SAMMSON: variants seen among roughly 807,000 people sequenced by gnomAD.
The protein encoded by SAMMSON is survival associated mitochondrial melanoma specific oncogenic non-coding RNA.
chr3:70,261,199 T>G (rs1701862878), intron 6 of SAMMSON, among the ~76,000 whole-genome samples: 2 of 152,218 alleles, frequency 1.3e-5, no homozygotes, highest in South Asian at 4.1e-4. Flanking sequence ...CAAAGACATT[T>G]GGTGGTCAAA....
chr3:70,429,724 T>C (rs555860908), intron 2 of SAMMSON, among the ~76,000 whole-genome samples: 1 of 152,280 alleles, frequency 6.6e-6, no homozygotes, highest in African/African-American at 2.4e-5. Context: ...ATTCTCTTTG[T>C]AGCAATTGTG....
chr3:70,382,332 A>T (rs1703076500), intron 9 of SAMMSON, among the ~76,000 whole-genome samples: 1 of 152,096 alleles, frequency 6.6e-6, no homozygotes, highest in Admixed American at 6.6e-5. Flanking sequence ...AATTCCACCC[A>T]AACATATATC....
At chr3:70,088,429 C>T (rs777242908) in intron 4 of SAMMSON, among the ~76,000 whole-genome samples, 2 of 152,146 alleles carry the variant, frequency 1.3e-5, no homozygotes, top group Non-Finnish European at 1.5e-5. Context: ...GCAGAAATAA[C>T]AGATGTTCAC....
intron 9 of SAMMSON, among the ~76,000 whole-genome samples, chr3:70,362,347 A>C (rs904885736): frequency 2.6e-5 from 4 of 152,178 alleles, no homozygotes; most frequent in African/African-American, 4.8e-5. Context: ...AGTCTTTGGG[A>C]AAACTAGAAG....
chr3:70,041,221 A>G (rs925100693), intron 3 of SAMMSON, among the ~76,000 whole-genome samples: 1 of 152,056 alleles, frequency 6.6e-6, no homozygotes, highest in Non-Finnish European at 1.5e-5. Flanking sequence ...TTCCAAAGAC[A>G]TTTTGTTGTA....
At chr3:70,214,606 G>C in intron 4 of SAMMSON, among the ~76,000 whole-genome samples, 1 of 32,322 alleles carries the variant, frequency 3.1e-5, no homozygotes. Context: ...GCTGAAGTGG[G>C]CTTTTTTTTT....
intron 4 of SAMMSON, among the ~76,000 whole-genome samples, chr3:70,168,045 G>A (rs1002646246): frequency 1.3e-5 from 2 of 151,970 alleles, no homozygotes; most frequent in African/African-American, 4.8e-5. Flanking sequence ...GTAAAGCATT[G>A]TTTCCATGGC....
At chr3:70,208,172 C>T (rs1305962618) in intron 4 of SAMMSON, among the ~76,000 whole-genome samples, 2 of 152,070 alleles carry the variant, frequency 1.3e-5, no homozygotes, top group Non-Finnish European at 2.9e-5. Context: ...GAACAAGCAA[C>T]AGTCCTCGTG....
intron 4 of SAMMSON, among the ~76,000 whole-genome samples, chr3:70,189,004 G>C (rs977188384): frequency 7.2e-5 from 11 of 152,150 alleles, no homozygotes; most frequent in African/African-American, 2.4e-4. Flanking sequence ...TCAGAAGAGA[G>C]GGTGCTTGAG....
intron 9 of SAMMSON, among the ~76,000 whole-genome samples, chr3:70,379,741 T>C (rs1028198644): frequency 6.6e-6 from 1 of 151,960 alleles, no homozygotes; most frequent in Non-Finnish European, 1.5e-5. Context: ...TGAAGACGAG[T>C]CTGGGCAACT....
intron 6 of SAMMSON, among the ~76,000 whole-genome samples, chr3:70,274,463 A>C (rs201139072): frequency 6.6e-6 from 1 of 151,856 alleles, no homozygotes; most frequent in Non-Finnish European, 1.5e-5. Context: ...ATATTTGAAA[A>C]GTATTTTTCT....
chr3:70,408,008 A>C (rs914201378), intron 2 of SAMMSON, among the ~76,000 whole-genome samples: 2 of 152,238 alleles, frequency 1.3e-5, no homozygotes, highest in African/African-American at 4.8e-5. Context: ...TCGCAGGCTC[A>C]CCACCACATG....
At chr3:70,418,568 C>A (rs1237844356) in intron 2 of SAMMSON, among the ~76,000 whole-genome samples, 4 of 152,220 alleles carry the variant, frequency 2.6e-5, no homozygotes, top group South Asian at 2.1e-4. Flanking sequence ...CAGTCTGCCA[C>A]TTTATCTTCT....
chr3:70,141,628 G>A (rs906998163), intron 4 of SAMMSON, among the ~76,000 whole-genome samples: 8 of 152,114 alleles, frequency 5.3e-5, no homozygotes, highest in Admixed American at 3.3e-4. Flanking sequence ...AACCAACTTC[G>A]GTAGTAAAAA....
chr3:70,095,176 G>C (rs772080251), intron 4 of SAMMSON, among the ~76,000 whole-genome samples: 13 of 152,108 alleles, frequency 8.5e-5, no homozygotes, highest in Non-Finnish European at 1.9e-4. Flanking sequence ...TTAGGTCTAC[G>C]TGCCAGTAGA....
chr3:70,176,696 T>C (rs1701012491), intron 4 of SAMMSON, among the ~76,000 whole-genome samples: 1 of 152,182 alleles, frequency 6.6e-6, no homozygotes, highest in South Asian at 2.1e-4. Flanking sequence ...CACCTATCAT[T>C]TAATTTGTAT....
intron 6 of SAMMSON, among the ~76,000 whole-genome samples, chr3:70,281,719 CCTT>C (rs1480853418): frequency 6.6e-6 from 1 of 152,144 alleles, no homozygotes; most frequent in Non-Finnish European, 1.5e-5. Flanking sequence ...CAAGTGAACT[CCTT>C]CTCGTCTTTG....
intron 4 of SAMMSON, among the ~76,000 whole-genome samples, chr3:70,096,493 A>G (rs2067323308): frequency 6.6e-6 from 1 of 152,150 alleles, no homozygotes; most frequent in South Asian, 2.1e-4. Flanking sequence ...GCAGTGAGCT[A>G]TGATTGCACC....
chr3:70,081,548 A>G (rs1458472125), intron 4 of SAMMSON, among the ~76,000 whole-genome samples: 2 of 152,212 alleles, frequency 1.3e-5, no homozygotes, highest in African/African-American at 4.8e-5. Flanking sequence ...CACCTTGTGC[A>G]TGGCAGGCAC....
Sources: allele counts gnomAD v4.1 joint callset (sites outside exome capture counted in the v4.1 genomes callset), GRCh38; gene constraint gnomAD v4.1.1; transcripts MANE v1.5; gene names NCBI Gene and HGNC (gene_info 2026-07-23, HGNC 2026-07-21).